Variants in ARHGAP12 observed in about 807,000 individuals in gnomAD.
ARHGAP12 encodes the protein Rho GTPase activating protein 12.
ARHGAP12 carries 64 observed loss-of-function variants against 108.6 expected under a neutral mutation model. The ratio of observed to expected loss-of-function variants is 0.59; its 90% CI spans 0.48 to 0.73. The LOEUF (loss-of-function observed/expected upper bound fraction) is 0.73, where lower values mean the gene tolerates loss of function less well. Ranked by LOEUF, ARHGAP12 falls within the 30% of genes least tolerant of loss-of-function variation. The pLI is 0.00. For missense variants in ARHGAP12, 940 were observed against 1,005.9 expected, an observed-to-expected ratio of 0.93 and a Z score of 0.89; for synonymous variants, 312 against 337.2, an observed-to-expected ratio of 0.93 and a Z score of 0.82.
At chr10:31,877,677 G>C (rs1336480002) in intron 3 of ARHGAP12, among the ~76,000 whole-genome samples, 1 of 152,218 alleles carries the variant, frequency 6.6e-6, no homozygotes, top group African/African-American at 2.4e-5. Context: ...ACAACTACTT[G>C]AGTGTTTTAG....
intron 3 of ARHGAP12, among the ~76,000 whole-genome samples, chr10:31,864,921 C>G (rs1432831024): frequency 6.6e-6 from 1 of 151,822 alleles, no homozygotes; most frequent in Non-Finnish European, 1.5e-5. Flanking sequence ...ACTGTGGGAG[C>G]AAAAAGGAAG....
chr10:31,878,854 A>G (rs896857301), intron 3 of ARHGAP12, among the ~76,000 whole-genome samples: 1 of 152,238 alleles, frequency 6.6e-6, no homozygotes, highest in Non-Finnish European at 1.5e-5. Flanking sequence ...TTTTTAAGCT[A>G]GATTTTGTTA....
chr10:31,827,659 C>T (rs930081199), intron 10 of ARHGAP12, among the ~76,000 whole-genome samples: 12 of 151,964 alleles, frequency 7.9e-5, no homozygotes, highest in African/African-American at 1.5e-4. Context: ...GGCGTGGTGG[C>T]GGGCACCTGC....
chr10:31,831,941 C>G (rs1007676016), intron 9 of ARHGAP12, 141 bp from the exon 10 acceptor site: 9 of 446,870 alleles, frequency 2.0e-5, no homozygotes, highest in Non-Finnish European at 3.2e-5. Flanking sequence ...ATGCGTAGTT[C>G]TAGAATACAT....
intron 11 of ARHGAP12, among the ~76,000 whole-genome samples, chr10:31,823,643 T>A (rs961067779): frequency 1.3e-5 from 2 of 152,166 alleles, no homozygotes; most frequent in African/African-American, 4.8e-5. Flanking sequence ...TTGTACTAAG[T>A]GTGAATCTAA....
chr10:31,849,492 C>T (rs1804315357), intron 6 of ARHGAP12, among the ~76,000 whole-genome samples: 1 of 152,118 alleles, frequency 6.6e-6, no homozygotes, highest in Non-Finnish European at 1.5e-5. Flanking sequence ...TTAATATCTG[C>T]ATGGGGGTTA....
chr10:31,831,448 T>G (rs1425174616), intron 10 of ARHGAP12, among the ~76,000 whole-genome samples: 1 of 152,028 alleles, frequency 6.6e-6, no homozygotes, highest in Non-Finnish European at 1.5e-5. Flanking sequence ...TTAGTCTACC[T>G]TTGTTTTTTA....
intron 4 of ARHGAP12, among the ~76,000 whole-genome samples, chr10:31,858,004 G>A (rs1364434135): frequency 6.6e-6 from 1 of 152,136 alleles, no homozygotes; most frequent in Non-Finnish European, 1.5e-5. Flanking sequence ...AGGAGTTCAA[G>A]ACCAGCCTGG....
chr10:31,923,561 T>A (rs1839908193), intron 1 of ARHGAP12, among the ~76,000 whole-genome samples: 1 of 152,208 alleles, frequency 6.6e-6, no homozygotes, highest in African/African-American at 2.4e-5. Flanking sequence ...ATAAACTAAT[T>A]GTGGTATATC....
intron 1 of ARHGAP12, among the ~76,000 whole-genome samples, chr10:31,923,753 T>C (rs945175465): frequency 2.0e-5 from 3 of 152,128 alleles, no homozygotes; most frequent in African/African-American, 7.2e-5. Context: ...TAATTGATAG[T>C]GACAGAAAGC....
intron 9 of ARHGAP12, among the ~76,000 whole-genome samples, chr10:31,834,921 C>G (rs1172515802): frequency 5.3e-5 from 8 of 152,114 alleles, no homozygotes; most frequent in African/African-American, 1.9e-4. Flanking sequence ...ACATTTAAGG[C>G]AGGGCACGGT....
At chr10:31,838,921 A>T (rs764881467) in intron 9 of ARHGAP12, among the ~76,000 whole-genome samples, 39 of 151,890 alleles carry the variant, frequency 2.6e-4, no homozygotes, top group South Asian at 6.3e-4. Flanking sequence ...AGAATCACCT[A>T]AGCCTGGTGG....
At chr10:31,839,227 A>G in intron 9 of ARHGAP12, 78 bp downstream of exon 9, 1 of 1,429,952 alleles carries the variant, frequency 7.0e-7, no homozygotes, top group Non-Finnish European at 9.7e-7. Context: ...TTCATCTGGC[A>G]CAGACTTGGC....
rs963948522 is a variant in ARHGAP12 at position 31,807,909 on chromosome 10, A to G, written c.2367-77T>C. Reference sequence around the variant, plus strand: ...TTCTTCAAATGGTATTATAAACCTAACAGTTTGCATTTTAAAAAGAGAAGT... The same window carrying G: ...TTCTTCAAATGGTATTATAAACCTAGCAGTTTGCATTTTAAAAAGAGAAGT... On this transcript the variant is annotated intron_variant, in intron 19 of 19. Coordinates refer to ENST00000344936, the MANE Select transcript of ARHGAP12 (RefSeq NM_018287.7). The G allele has an allele frequency of 3.6e-6, 4 of 1,125,888 alleles. No individual in the cohort carries two copies. The African/African-American group carries it at 6.4e-5, about 18-fold the overall frequency. 69.7% of individuals were successfully genotyped at this position (1,125,888 alleles called of 1,614,324 possible).
intron 3 of ARHGAP12, among the ~76,000 whole-genome samples, chr10:31,862,715 C>G (rs2808084): frequency 0.083 from 6,519 of 78,330 alleles, 162 homozygotes; most frequent in Non-Finnish European, 0.11. Flanking sequence ...GACACACACA[C>G]ACACACACAC....
intron 3 of ARHGAP12, among the ~76,000 whole-genome samples, chr10:31,891,029 GA>G (rs903976663): frequency 3.3e-5 from 5 of 151,806 alleles, no homozygotes; most frequent in Non-Finnish European, 5.9e-5. Context: ...ACACAATTTA[GA>G]AAAAAAGACT....
intron 6 of ARHGAP12, among the ~76,000 whole-genome samples, chr10:31,845,048 T>C (rs1836401331): frequency 6.6e-6 from 1 of 152,206 alleles, no homozygotes; most frequent in African/African-American, 2.4e-5. Flanking sequence ...GGTCTTCCTT[T>C]ATTCTGCTCT....
chr10:31,807,881 A>G, intron 19 of ARHGAP12, 49 bp from the exon 20 acceptor site: 1 of 1,330,060 alleles, frequency 7.5e-7, no homozygotes, highest in Non-Finnish European at 1.0e-6. Context: ...GAGAGAGGGA[A>G]AATTCTTCAA....
chr10:31,818,703 T>C (rs1331200860), intron 12 of ARHGAP12, among the ~76,000 whole-genome samples: 1 of 152,108 alleles, frequency 6.6e-6, no homozygotes, highest in Admixed American at 6.6e-5. Context: ...AAAAATAAAT[T>C]TTTGAAAAAG....
Sources: allele counts gnomAD v4.1 joint callset (sites outside exome capture counted in the v4.1 genomes callset), GRCh38; gene constraint gnomAD v4.1.1; transcripts MANE v1.5; gene names NCBI Gene and HGNC (gene_info 2026-07-23, HGNC 2026-07-21).